CORO1C: variants seen among roughly 807,000 people sequenced by gnomAD.
The protein encoded by CORO1C is coronin-1C.
A neutral mutation model predicts 51.2 loss-of-function variants in CORO1C; 14 were observed. The observed-to-expected ratio is 0.27, with a 90% CI of 0.18 to 0.43. The LOEUF is 0.43. Ranked by LOEUF, CORO1C falls within the 20% of genes least tolerant of loss-of-function variation. CORO1C has a pLI of 1.00. For synonymous variants in CORO1C, 181 were observed against 210.5 expected, an observed-to-expected ratio of 0.86 and a Z score of 1.21; for missense variants, 417 against 607.8, an observed-to-expected ratio of 0.69 and a Z score of 3.30.
intron 1 of CORO1C, among the ~76,000 whole-genome samples, chr12:108,712,203 T>G (rs1592941291): frequency 6.6e-6 from 1 of 152,134 alleles, no homozygotes; most frequent in South Asian, 2.1e-4. Context: ...AAAAGGCAGG[T>G]AAGACAGCAG....
At chr12:108,668,571 G>A (rs902627871) in intron 3 of CORO1C, 1 of 152,156 alleles carries the variant, frequency 6.6e-6, no homozygotes, top group Non-Finnish European at 1.5e-5. Context: ...GATTAGATAG[G>A]GTATTTTTGT....
At chr12:108,696,569 A>C (rs182389613) in intron 2 of CORO1C, among the ~76,000 whole-genome samples, 1 of 152,342 alleles carries the variant, frequency 6.6e-6, no homozygotes, top group Non-Finnish European at 1.5e-5. Flanking sequence ...AACGTGGTAG[A>C]TTACACAGAG....
intron 1 of CORO1C, among the ~76,000 whole-genome samples, chr12:108,721,756 G>T (rs2035478489): frequency 6.6e-6 from 1 of 151,956 alleles, no homozygotes; most frequent in African/African-American, 2.4e-5. Context: ...GTTTATAAAA[G>T]AATAGAAAAA....
chr12:108,653,595 T>C (rs965571529), intron 7 of CORO1C, among the ~76,000 whole-genome samples: 6 of 152,160 alleles, frequency 3.9e-5, no homozygotes, highest in African/African-American at 1.4e-4. Flanking sequence ...AAGGGAACTA[T>C]AAGGTTCCCA....
At chr12:108,666,433 G>A (rs764013167) in intron 3 of CORO1C, among the ~76,000 whole-genome samples, 7 of 152,152 alleles carry the variant, frequency 4.6e-5, no homozygotes, top group African/African-American at 1.4e-4. Context: ...GAGCTTGGGG[G>A]TTGGGGGCGG....
intron 1 of CORO1C, among the ~76,000 whole-genome samples, chr12:108,705,197 G>A (rs2034990569): frequency 1.3e-5 from 2 of 152,056 alleles, no homozygotes; most frequent in Non-Finnish European, 2.9e-5. Context: ...TAAGAATGTA[G>A]GCCGGGCATG....
Position 108,648,955 on chromosome 12 carries a change from G to A in CORO1C, c.1059+8C>T. The A allele has an allele frequency of 1.2e-6, 2 of 1,613,978 alleles. No homozygotes were observed. Among genetic ancestry groups the A allele is most frequent in the Non-Finnish European group, 1.7e-6 (2 of 1,179,958 alleles). On this transcript the variant is annotated splice_region_variant and intron_variant, in intron 9 of 10. Coordinates refer to ENST00000261401, the MANE Select transcript of CORO1C (RefSeq NM_014325.4). ...AAATATGGATTGTCTAGAAAACTCAGCACTCACCTTCCTGGGAACAGTCAT... is the reference window on the plus strand; with the variant it reads ...AAATATGGATTGTCTAGAAAACTCAACACTCACCTTCCTGGGAACAGTCAT...
chr12:108,649,040 G>A lies in CORO1C; in HGVS notation c.1002-20C>T. The A allele has an allele frequency of 6.2e-7, 1 of 1,613,370 alleles. No individual in the cohort carries two copies. Among genetic ancestry groups the A allele is most frequent in the Non-Finnish European group, 8.5e-7 (1 of 1,179,606 alleles). ...AAGAATCTTCAGAGGGGAAATAAAGGCAAAGTTGCATTAAGTGAAATATGA... is the reference window on the plus strand; with the variant it reads ...AAGAATCTTCAGAGGGGAAATAAAGACAAAGTTGCATTAAGTGAAATATGA... On this transcript the variant is annotated intron_variant, in intron 8 of 10. Coordinates refer to ENST00000261401, the MANE Select transcript of CORO1C (RefSeq NM_014325.4).
chr12:108,678,730 A>C (rs887521960), intron 2 of CORO1C, among the ~76,000 whole-genome samples: 10 of 152,002 alleles, frequency 6.6e-5, no homozygotes, highest in Admixed American at 3.3e-4. Flanking sequence ...AAAAAAAAAA[A>C]AAAAAAACCC....
intron 1 of CORO1C, among the ~76,000 whole-genome samples, chr12:108,721,840 C>A (rs1468934071): frequency 1.3e-5 from 2 of 152,194 alleles, no homozygotes; most frequent in African/African-American, 4.8e-5. Context: ...CCCTGATCAA[C>A]TTTCCAAAGG....
chr12:108,706,134 C>G (rs1244620848), intron 1 of CORO1C, among the ~76,000 whole-genome samples: 1 of 149,490 alleles, frequency 6.7e-6, no homozygotes, highest in Non-Finnish European at 1.5e-5. Flanking sequence ...TTGCAGTAAG[C>G]CGAGACAGTG....
chr12:108,694,945 G>A lies in CORO1C; in HGVS notation c.195+6179C>T, dbSNP rs1418199329. On this transcript the variant is annotated intron_variant, in intron 2 of 10. Transcript: ENST00000261401. The stretch of plus-strand genomic sequence containing the variant: ...ATATATGTATTAGTTATCAACTGCT[G>A]ATTAACAAGTTATCCTAAAATTCAG... 2.6e-5 allele frequency among the ~76,000 whole-genome samples: 4 copies of A among 152,306 alleles called. No individual in the cohort carries two copies. In the East Asian group the frequency reaches 5.8e-4, roughly 22 times the overall value.
rs546519191 is a variant in CORO1C, at chr12:108,650,582, G to A, written c.1002-1562C>T. Among the ~76,000 whole-genome samples the A allele has an allele frequency of 6.6e-5, 10 of 152,272 alleles. No individual in the cohort carries two copies. The East Asian group carries it at 9.6e-4, about 15-fold the overall frequency. On this transcript the variant is annotated intron_variant, in intron 8 of 10. Transcript: ENST00000261401. ...TTCCAGCTCTACTACCAAAACCCAC[G>A]AGAGTGTGACAACCTCACCAAGCCT...
intron 4 of CORO1C, among the ~76,000 whole-genome samples, chr12:108,660,516 A>T (rs1007478991): frequency 1.3e-5 from 2 of 151,860 alleles, no homozygotes; most frequent in Non-Finnish European, 2.9e-5. Context: ...CAGTAACAAA[A>T]GTTGAAGCTA....
intron 3 of CORO1C, among the ~76,000 whole-genome samples, chr12:108,668,274 A>G (rs1480402216): frequency 1.3e-5 from 2 of 152,242 alleles, no homozygotes. Context: ...CGAGTTCGGG[A>G]AAACCAAGAA....
chr12:108,717,883 G>A (rs7955014), intron 1 of CORO1C, among the ~76,000 whole-genome samples: 8 of 152,188 alleles, frequency 5.3e-5, no homozygotes, highest in African/African-American at 1.9e-4. Flanking sequence ...TCGCAAAAGT[G>A]TCTGGAGCTT....
intron 3 of CORO1C, among the ~76,000 whole-genome samples, chr12:108,666,511 C>T (rs1352500574): frequency 6.6e-6 from 1 of 152,148 alleles, no homozygotes; most frequent in African/African-American, 2.4e-5. Flanking sequence ...GCTCACAGGC[C>T]TGTCATTATG....
chr12:108,666,805 T>C (rs981501667), intron 3 of CORO1C, among the ~76,000 whole-genome samples: 3 of 152,172 alleles, frequency 2.0e-5, no homozygotes, highest in Non-Finnish European at 4.4e-5. Flanking sequence ...CAGGGGTTAT[T>C]AGAAGGGTTA....
At chr12:108,716,700 C>G (rs1286966900) in intron 1 of CORO1C, among the ~76,000 whole-genome samples, 1 of 152,136 alleles carries the variant, frequency 6.6e-6, no homozygotes. Context: ...TAAATGATTT[C>G]TAGGGTCCTA....
Sources: gnomAD v4.1 joint callset for allele counts (sites outside exome capture counted in the v4.1 genomes callset) on GRCh38, gnomAD v4.1.1 for gene constraint, MANE v1.5 for transcripts, NCBI Gene and HGNC (gene_info 2026-07-23, HGNC 2026-07-21) for gene names.